PPBP: variants seen among roughly 807,000 people sequenced by gnomAD.
PPBP encodes platelet basic protein.
In PPBP, 8 loss-of-function variants were observed where a neutral mutation model predicts 8.3. The ratio of observed to expected loss-of-function variants is 0.97; its 90% CI spans 0.57 to 1.75. PPBP has a LOEUF of 1.75. Ranked by LOEUF, PPBP falls within the 40% of genes most tolerant of loss-of-function variation. The pLI, the probability that PPBP is intolerant of heterozygous loss-of-function variation, is 0.00. For missense variants in PPBP, 169 were observed against 149.2 expected (o/e 1.13, Z -0.69); for synonymous variants, 64 against 58.9 (o/e 1.09, Z -0.40).
chr4:73,987,475 G>A (rs752208551), intron 2 of PPBP, 42 bp downstream of exon 2: 2 of 1,610,212 alleles, frequency 1.2e-6, no homozygotes, highest in Non-Finnish European at 8.5e-7. Context: ...TGGAGGTAGA[G>A]GGTTTCTCTG....
chr4:73,987,437 G>A (rs1466295602), intron 2 of PPBP, 63 bp from the exon 3 acceptor site: 1 of 1,606,882 alleles, frequency 6.2e-7, no homozygotes, highest in African/African-American at 1.3e-5. Context: ...TAATCCATGA[G>A]ACTGGAGGAA....
rs773999304 is a variant in PPBP, at chr4:73,987,525, G to A, written c.276C>T (p.Val92=). ...CAGAAACAGCAACTTACATCACTTC[G>A]ACTTGGTTGCAATGGGTTCCTTTCC... ...VIGKGTHCNQ[V]EVIATLKDGR... The change falls in exon 2 of 3, where the codon GTC becomes GTT. Residue 92 remains valine (V), a synonymous_variant. Coordinates refer to ENST00000296028, the MANE Select transcript of PPBP (RefSeq NM_002704.3). 1.1e-5 allele frequency: 18 copies of A among 1,613,594 alleles called. No homozygotes were observed. Among genetic ancestry groups the A allele is most frequent in the Non-Finnish European group, 2.5e-6 (3 of 1,179,694 alleles).
Position 73,987,242 on chromosome 4 carries a change from GT to G in PPBP, c.*29del. ...TTTCAAAATTCTACCCTTCCTGGGA[GT>G]TAAAGAAGTTTGGCAGAAACAGAAC... is the stretch of plus-strand genomic sequence containing the variant. On this transcript the variant is annotated 3_prime_UTR_variant, in exon 3 of 3. Transcript: ENST00000296028. 1 of 1,546,526 alleles carries G rather than the reference GT, an allele frequency of 6.5e-7. No individual in the cohort carries two copies. The highest frequency in any genetic ancestry group is 8.9e-7 in the Non-Finnish European group (1 of 1,119,752).
rs1306218492 is a variant in PPBP at position 73,987,125 on chromosome 4, T to G, written c.*147A>C. ...TTTAACCAACCTTCTCAGAATAAAATGTGATTTTTGAGACAGAATGAAACA... is the reference window on the plus strand; with the variant it reads ...TTTAACCAACCTTCTCAGAATAAAAGGTGATTTTTGAGACAGAATGAAACA... On this transcript the variant is annotated 3_prime_UTR_variant, in exon 3 of 3. Transcript: ENST00000296028. The G allele has an allele frequency of 5.6e-6, 4 of 716,420 alleles. No homozygotes were observed. The highest frequency in any genetic ancestry group is 9.3e-6 in the Non-Finnish European group (4 of 429,098). The allele number at this position is 716,420 out of a possible 1,614,324, so 44.4% of individuals were successfully genotyped here.
intron 1 of PPBP, 125 bp downstream of exon 1, chr4:73,987,831 T>C: frequency 6.7e-7 from 1 of 1,485,606 alleles, no homozygotes; most frequent in Non-Finnish European, 9.3e-7. Flanking sequence ...CCCCCCTGTG[T>C]GTCTCCTCCA....
At chr4:73,987,730 T>C (rs1719003213) in intron 1 of PPBP, 78 bp from the exon 2 acceptor site, 5 of 1,531,866 alleles carry the variant, frequency 3.3e-6, no homozygotes, top group Non-Finnish European at 3.6e-6. Context: ...AGGGCAATTG[T>C]ACCTCTCTCA....
Position 73,987,382 on chromosome 4 carries a change from A to G in PPBP, c.285-8T>C. On this transcript the variant is annotated splice_polypyrimidine_tract_variant and splice_region_variant and intron_variant, in intron 2 of 2. Coordinates refer to ENST00000296028, the MANE Select transcript of PPBP (RefSeq NM_002704.3). The stretch of plus-strand genomic sequence containing the variant: ...CCATCCTTCAGTGTGGCTCTGCAAA[A>G]GAGAACAGGGTTATCTGTGGGTGTC... 2 of 1,612,280 alleles carry G rather than the reference A, an allele frequency of 1.2e-6. No individual in the cohort carries two copies. The highest frequency in any genetic ancestry group is 1.7e-6 in the Non-Finnish European group (2 of 1,178,408).
chr4:73,986,755 G>T lies in PPBP; in HGVS notation c.*517C>A, dbSNP rs1328998929. On this transcript the variant is annotated 3_prime_UTR_variant, in exon 3 of 3. Coordinates refer to ENST00000296028, the MANE Select transcript of PPBP (RefSeq NM_002704.3). ...CAATTTATTATTTTAGTGTTTGATGGCTAAAATAAACATCAGAATAAACTT... is the reference window on the plus strand; with the variant it reads ...CAATTTATTATTTTAGTGTTTGATGTCTAAAATAAACATCAGAATAAACTT... 2.0e-5 allele frequency among the ~76,000 whole-genome samples: 3 copies of T among 151,952 alleles called. No homozygotes were observed. The highest frequency in any genetic ancestry group is 4.4e-5 in the Non-Finnish European group (3 of 67,980).
Position 73,987,653 on chromosome 4 carries a change from C to G in PPBP, c.149-1G>C, listed in dbSNP as rs1389115401. The G allele has an allele frequency of 2.5e-6, 4 of 1,607,592 alleles. No individual in the cohort carries two copies. Among genetic ancestry groups the G allele is most frequent in the Non-Finnish European group, 3.4e-6 (4 of 1,174,544 alleles). On this transcript the variant is annotated splice_acceptor_variant, in intron 1 of 2. Transcript: ENST00000296028. LOFTEE classifies it high-confidence loss of function. ...TACAAGTCACTGTCTAGACTTTCCT[C>G]TAGGGTAGAAAATGTGACCTATTGG... is the stretch of plus-strand genomic sequence containing the variant.
chr4:73,987,943 G>T lies in PPBP; in HGVS notation c.148+13C>A, dbSNP rs750993219. 4.3e-6 allele frequency: 7 copies of T among 1,613,958 alleles called. No homozygotes were observed. In the South Asian group the frequency reaches 6.6e-5, roughly 15 times the overall value. On this transcript the variant is annotated intron_variant, in intron 1 of 2. Coordinates refer to ENST00000296028, the MANE Select transcript of PPBP (RefSeq NM_002704.3). ...CAGAAGCAGCAACAAGTGCAGAGAAGCAGGGCCTCTACCTTTGCCTTTCGC... is the reference window on the plus strand; with the variant it reads ...CAGAAGCAGCAACAAGTGCAGAGAATCAGGGCCTCTACCTTTGCCTTTCGC...
Position 73,987,626 on chromosome 4 carries a change from C to T in PPBP, c.175G>A (p.Ala59Thr), listed in dbSNP as rs1372770559. 2 of 1,613,640 alleles carry T rather than the reference C, an allele frequency of 1.2e-6. No individual in the cohort carries two copies. The highest frequency in any genetic ancestry group is 1.7e-6 in the Non-Finnish European group (2 of 1,179,572). ...TTTATACACATGCAGCGGAGTTCAG[C>T]ATACAAGTCACTGTCTAGACTTTCC... ...KEESLDSDLYAELRCMCIKTT... is the reference protein window; with the variant it reads ...KEESLDSDLYTELRCMCIKTT... Residue 59 changes from alanine to threonine, a missense_variant, in exon 2 of 3, where the codon GCT becomes ACT. Transcript: ENST00000296028.
At position 73,987,195 on chromosome 4, in the gene PPBP, T is replaced by G; in HGVS notation, c.*77A>C. On this transcript the variant is annotated 3_prime_UTR_variant, in exon 3 of 3. Transcript: ENST00000296028. ...AGTAAGAATAGGTATCCTGAATAAATGAGAACTCTAGAAAATCAAGGTTTC... is the reference window on the plus strand; with the variant it reads ...AGTAAGAATAGGTATCCTGAATAAAGGAGAACTCTAGAAAATCAAGGTTTC... 2 of 1,279,842 alleles carry G rather than the reference T, an allele frequency of 1.6e-6. No homozygotes were observed. The highest frequency in any genetic ancestry group is 2.3e-6 in the Non-Finnish European group (2 of 887,054). The allele number at this position is 1,279,842 out of a possible 1,614,324, so 79.3% of individuals were successfully genotyped here. A position where few individuals can be genotyped will look rare whatever the true frequency, so the allele number is the denominator to read the frequency against.
At position 73,988,010 on chromosome 4, in the gene PPBP, C is replaced by A; in HGVS notation, c.94G>T (p.Ala32Ser). 1 of 1,614,114 alleles carries A rather than the reference C, an allele frequency of 6.2e-7. No individual in the cohort carries two copies. Among genetic ancestry groups the A allele is most frequent in the Non-Finnish European group, 8.5e-7 (1 of 1,179,978 alleles). Reference protein sequence around the residue: ...VLLLLSLLLTALASSTKGQTK... With the variant: ...VLLLLSLLLTSLASSTKGQTK... ...TGTCCTTTGGTGGAGGAAGCCAGAGCAGTCAGCAGCAATGACAGAAGCAGC... is the reference window on the plus strand; with the variant it reads ...TGTCCTTTGGTGGAGGAAGCCAGAGAAGTCAGCAGCAATGACAGAAGCAGC... Residue 32 changes from alanine to serine, a missense_variant, in exon 1 of 3, where the codon GCT becomes TCT. Transcript: ENST00000296028.
chr4:73,986,786 G>T lies in PPBP; in HGVS notation c.*486C>A, dbSNP rs906631350. On this transcript the variant is annotated 3_prime_UTR_variant, in exon 3 of 3. Coordinates refer to ENST00000296028, the MANE Select transcript of PPBP (RefSeq NM_002704.3). ...ATAAACATCAGAATAAACTTTCAGG[G>T]AGTATTTTAAATAAGACATCCTAGG... Among the ~76,000 whole-genome samples the T allele has an allele frequency of 6.6e-6, 1 of 152,028 alleles. No homozygotes were observed. Among genetic ancestry groups the T allele is most frequent in the Non-Finnish European group, 1.5e-5 (1 of 67,980 alleles).
chr4:73,987,286 C>T lies in PPBP; in HGVS notation c.373G>A (p.Glu125Lys). 1 of 1,610,296 alleles carries T rather than the reference C, an allele frequency of 6.2e-7. No individual in the cohort carries two copies. Among genetic ancestry groups the T allele is most frequent in the Non-Finnish European group, 8.5e-7 (1 of 1,176,594 alleles). ...AACAGAACAAATTAATCAGCAGATT[C>T]ATCACCTGCCAATTTTTTCTGTACA... The part of the protein sequence containing the change: ...KIVQKKLAGD[E>K]SAD Residue 125 changes from glutamate (E) to lysine (K), a missense_variant, in exon 3 of 3, where the codon GAA (glutamate) becomes AAA (lysine). Glu to Lys is a moderately conservative substitution (Grantham distance 56). Coordinates refer to ENST00000296028, the MANE Select transcript of PPBP (RefSeq NM_002704.3).
chr4:73,987,717 T>C, intron 1 of PPBP, 65 bp from the exon 2 acceptor site: 1 of 1,557,484 alleles, frequency 6.4e-7, no homozygotes. Flanking sequence ...TATTTGCAGA[T>C]TGAGGGCAAT....
Position 73,987,192 on chromosome 4 carries a change from A to T in PPBP, c.*80T>A. 8.0e-7 allele frequency: 1 copy of T among 1,251,278 alleles called. No homozygotes were observed. Among genetic ancestry groups the T allele is most frequent in the Non-Finnish European group, 1.2e-6 (1 of 864,238 alleles). The allele number at this position is 1,251,278 out of a possible 1,614,324, so 77.5% of individuals were successfully genotyped here. A position where few individuals can be genotyped will look rare whatever the true frequency, so the allele number is the denominator to read the frequency against. ...TACAGTAAGAATAGGTATCCTGAAT[A>T]AATGAGAACTCTAGAAAATCAAGGT... On this transcript the variant is annotated 3_prime_UTR_variant, in exon 3 of 3. Transcript: ENST00000296028.
intron 1 of PPBP, 68 bp downstream of exon 1, chr4:73,987,888 A>G (rs16850295): frequency 0.011 from 18,113 of 1,604,406 alleles, 140 homozygotes; most frequent in Middle Eastern, 0.014. Context: ...AAAGGCACCA[A>G]GCTAGTCTTT....
intron 2 of PPBP, 62 bp from the exon 3 acceptor site, chr4:73,987,436 A>C: frequency 6.2e-7 from 1 of 1,607,034 alleles, no homozygotes; most frequent in East Asian, 2.2e-5. Flanking sequence ...CTAATCCATG[A>C]GACTGGAGGA....
Sources: gnomAD v4.1 joint callset for allele counts (sites outside exome capture counted in the v4.1 genomes callset) on GRCh38, gnomAD v4.1.1 for gene constraint, MANE v1.5 for transcripts, NCBI Gene and HGNC (gene_info 2026-07-23, HGNC 2026-07-21) for gene names.